The following CCDC187 variants were observed in gnomAD, a reference collection of about 807,000 sequenced individuals.
CCDC187 encodes coiled-coil domain containing 187.
CCDC187 carries 32 observed loss-of-function variants against 38.0 expected under a neutral mutation model. That is an observed-to-expected ratio of 0.84 (90% CI 0.64 to 1.13). CCDC187 has a LOEUF of 1.13. CCDC187 is among the 50% of genes most tolerant of loss of function. The pLI is 0.00. For missense variants in CCDC187, 707 were observed against 786.8 expected (o/e 0.90, Z 1.21); for synonymous variants, 333 against 347.9 (o/e 0.96, Z 0.48).
chr9:136,265,107 G>T (rs1830728576), intron 17 of CCDC187, among the ~76,000 whole-genome samples: 1 of 152,204 alleles, frequency 6.6e-6, no homozygotes, highest in Admixed American at 6.5e-5. Flanking sequence ...CAGCATGGGG[G>T]CACTGAAGTG....
chr9:136,296,725 A>G (rs1308227785), intron 4 of CCDC187, among the ~76,000 whole-genome samples: 2 of 152,140 alleles, frequency 1.3e-5, no homozygotes, highest in Non-Finnish European at 2.9e-5. Context: ...TCTGAAACCC[A>G]TGCCCAGGCT....
rs1350033056 is a variant in CCDC187, at chr9:136,260,409, C to A, written c.4065-145G>T. ...GGGATGGCTGTGGTCAGTGGCCAAG[C>A]AGAAGACGGGACTGTGACCCCCTCA... On this transcript the variant is annotated intron_variant, in intron 19 of 25. Transcript: ENST00000638797. The A allele has an allele frequency of 9.0e-6, 3 of 332,032 alleles. No homozygotes were observed. In the Admixed American group the frequency reaches 2.0e-4, roughly 22 times the overall value. 20.6% of individuals were successfully genotyped at this position (332,032 alleles called of 1,614,324 possible). A position where few individuals can be genotyped will look rare whatever the true frequency, so the allele number is the denominator to read the frequency against.
At chr9:136,287,054 A>T (rs1831199593) in intron 7 of CCDC187, among the ~76,000 whole-genome samples, 1 of 152,192 alleles carries the variant, frequency 6.6e-6, no homozygotes, top group Non-Finnish European at 1.5e-5. Flanking sequence ...AGTCTCAAAG[A>T]CATCACCCAT....
chr9:136,305,577 A>G (rs980692326), upstream of CCDC187, among the ~76,000 whole-genome samples: 4 of 152,274 alleles, frequency 2.6e-5, no homozygotes, highest in South Asian at 4.1e-4. Context: ...CCCTGCTCCC[A>G]TGAAGGGACA....
chr9:136,267,362 G>T (rs558783196), intron 16 of CCDC187, 22 bp downstream of exon 16: 4 of 984,216 alleles, frequency 4.1e-6, no homozygotes, highest in Non-Finnish European at 4.8e-6. Flanking sequence ...GGGCGGGGCC[G>T]GCGCCAGGCG....
In CCDC187 at chr9:136,291,566, G is replaced by A. The variant is rs1321596507; in HGVS notation, c.1047C>T (p.Asp349=). 2.5e-6 allele frequency: 1 copy of A among 398,832 alleles called. No homozygotes were observed. The highest frequency in any genetic ancestry group is 4.4e-6 in the Non-Finnish European group (1 of 226,170). The allele number at this position is 398,832 out of a possible 1,614,324, so 24.7% of individuals were successfully genotyped here. A position where few individuals can be genotyped will look rare whatever the true frequency, so the allele number is the denominator to read the frequency against. The change falls in exon 6 of 26, where the codon GAC becomes GAT. Residue 349 remains aspartate (D), a synonymous_variant. Transcript: ENST00000638797. ...QLPDATSAYS[D]QQVSGNTPSL... is the part of the protein sequence containing the mutation. Reference sequence around the variant, plus strand: ...TGGGTGTGTTCCCAGACACCTGCTGGTCACTGTAGGCGGAGGTGGCATCGG... The same window carrying A: ...TGGGTGTGTTCCCAGACACCTGCTGATCACTGTAGGCGGAGGTGGCATCGG...
At chr9:136,297,652 T>C in intron 4 of CCDC187, 62 bp downstream of exon 4, 1 of 399,134 alleles carries the variant, frequency 2.5e-6, no homozygotes, top group Non-Finnish European at 4.4e-6. Flanking sequence ...GCCATCTGCC[T>C]ACCTAGAGTG....
rs1168800731 is a variant in CCDC187, at chr9:136,250,378, C to T, written c.*3216G>A. On this transcript the variant is annotated 3_prime_UTR_variant, in exon 26 of 26. Coordinates refer to ENST00000638797, the MANE Select transcript of CCDC187 (RefSeq NM_001378188.1). ...TGACTGCAGCCGCCACCGCATTGCG[C>T]CGCACGTCAGCACCAACCACGTGGC... 2 of 231,996 alleles carry T rather than the reference C, an allele frequency of 8.6e-6. No individual in the cohort carries two copies. The highest frequency in any genetic ancestry group is 9.9e-5 in the South Asian group (2 of 20,296). The allele number at this position is 231,996 out of a possible 1,614,324, so 14.4% of individuals were successfully genotyped here. A position where few individuals can be genotyped will look rare whatever the true frequency, so the allele number is the denominator to read the frequency against.
rs141570699 is a variant in CCDC187 at position 136,253,911 on chromosome 9, C to T, written c.5917G>A (p.Glu1973Lys). The T allele has an allele frequency of 1.1e-6, 1 of 900,232 alleles. No individual in the cohort carries two copies. Among genetic ancestry groups the T allele is most frequent in the Non-Finnish European group, 1.3e-6 (1 of 751,994 alleles). The allele number at this position is 900,232 out of a possible 1,614,324, so 55.8% of individuals were successfully genotyped here. A position where few individuals can be genotyped will look rare whatever the true frequency, so the allele number is the denominator to read the frequency against. ...PGGNGAPTVL[E>K]EACPLLAGDV... ...CCGGCAAGTAGGGGACAGGCTTCCT[C>T]CAGGACAGTGGGGGCCCCATTCCCA... Residue 1973 changes from glutamate (E) to lysine (K), a missense_variant, in exon 26 of 26, where the codon GAG becomes AAG. Glu to Lys is a moderately conservative substitution (Grantham distance 56). Transcript: ENST00000638797.
At chr9:136,288,659 G>A (rs1347394995) in intron 7 of CCDC187, among the ~76,000 whole-genome samples, 2 of 152,176 alleles carry the variant, frequency 1.3e-5, no homozygotes, top group South Asian at 2.1e-4. Context: ...AGACCCAGGC[G>A]CAACTCCCCC....
In CCDC187 at chr9:136,251,415, C is replaced by T. The variant is rs116356597; in HGVS notation, c.*2179G>A. The T allele has an allele frequency of 8.8e-4, 215 of 245,436 alleles. No homozygotes were observed. The highest frequency in any genetic ancestry group is 4.5e-3 in the African/African-American group (206 of 45,276). The allele number at this position is 245,436 out of a possible 1,614,324, so 15.2% of individuals were successfully genotyped here. The stretch of plus-strand genomic sequence containing the variant: ...ACCTTGGGCCCTTGAGCCGTGGCTT[C>T]CTCTGGTCTGTGCAGCTCAGGTGTG... On this transcript the variant is annotated 3_prime_UTR_variant, in exon 26 of 26. Transcript: ENST00000638797.
intron 14 of CCDC187, among the ~76,000 whole-genome samples, chr9:136,273,089 C>T (rs559127001): frequency 5.3e-5 from 8 of 152,168 alleles, no homozygotes; most frequent in Admixed American, 4.6e-4. Context: ...CAAAGGGAGG[C>T]AGAAACTAAG....
rs1336975293 is a variant in CCDC187 at position 136,252,677 on chromosome 9, T to G, written c.*917A>C. The stretch of plus-strand genomic sequence containing the variant: ...CTCACAATGACATTGTGGACGCCTG[T>G]GCACCTCTGTAGTTCCAGAAAACAC... On this transcript the variant is annotated 3_prime_UTR_variant, in exon 26 of 26. Coordinates refer to ENST00000638797, the MANE Select transcript of CCDC187 (RefSeq NM_001378188.1). The G allele has an allele frequency of 6.5e-6, 1 of 154,710 alleles. No homozygotes were observed. The highest frequency in any genetic ancestry group is 2.4e-5 in the African/African-American group (1 of 41,456). 9.6% of individuals were successfully genotyped at this position (154,710 alleles called of 1,614,324 possible).
chr9:136,295,651 T>C (rs1831516726), intron 4 of CCDC187, among the ~76,000 whole-genome samples: 3 of 152,280 alleles, frequency 2.0e-5, no homozygotes, highest in Admixed American at 6.5e-5. Flanking sequence ...CCTGTGGCTC[T>C]GACCTCTGAA....
chr9:136,280,324 G>A (rs1483845529), intron 10 of CCDC187, among the ~76,000 whole-genome samples: 3 of 152,228 alleles, frequency 2.0e-5, no homozygotes, highest in Non-Finnish European at 4.4e-5. Context: ...GATGCTCAGA[G>A]GGTGTGTGTG....
chr9:136,302,721 A>G, intron 2 of CCDC187, 91 bp downstream of exon 2: 2 of 398,266 alleles, frequency 5.0e-6, no homozygotes, highest in Non-Finnish European at 8.8e-6. Flanking sequence ...GGCCCCCACC[A>G]CGTGTCCAGC....
intron 2 of CCDC187, among the ~76,000 whole-genome samples, chr9:136,302,036 C>G (rs1831698114): frequency 6.6e-6 from 1 of 151,780 alleles, no homozygotes; most frequent in Admixed American, 6.6e-5. Flanking sequence ...ATGGTGAAAC[C>G]CCGTCTCTAC....
At chr9:136,274,347 T>C (rs1242580947) in intron 14 of CCDC187, among the ~76,000 whole-genome samples, 3 of 152,236 alleles carry the variant, frequency 2.0e-5, no homozygotes, top group African/African-American at 7.2e-5. Flanking sequence ...AGGGAAGCTT[T>C]CCTGCTGAGA....
At position 136,253,944 on chromosome 9, in the gene CCDC187, C is replaced by G; in HGVS notation, c.5884G>C (p.Gly1962Arg). 1.0e-6 allele frequency: 1 copy of G among 985,544 alleles called. No individual in the cohort carries two copies. Among genetic ancestry groups the G allele is most frequent in the Non-Finnish European group, 1.2e-6 (1 of 830,042 alleles). The allele number at this position is 985,544 out of a possible 1,614,324, so 61.0% of individuals were successfully genotyped here. The part of the protein sequence containing the change: ...APPVAESRAP[G>R]PGGNGAPTVL... ...GTGGGGGCCCCATTCCCACCAGGCC[C>G]AGGCGCCCGGCTCTCAGCTACTGGA... Residue 1962 changes from glycine (G) to arginine (R), a missense_variant, in exon 26 of 26, where the codon GGG (glycine) becomes CGG (arginine). By Grantham distance (125) the Gly-to-Arg change is moderately radical. Transcript: ENST00000638797.
Sources: gnomAD v4.1 joint callset for allele counts (sites outside exome capture counted in the v4.1 genomes callset) on GRCh38, gnomAD v4.1.1 for gene constraint, MANE v1.5 for transcripts, NCBI Gene and HGNC (gene_info 2026-07-23, HGNC 2026-07-21) for gene names.